The following ANGEL2 variants were observed in gnomAD, a reference collection of about 807,000 sequenced individuals.
ANGEL2 encodes RNA 2',3'-cyclic phosphatase ANGEL2.
In ANGEL2, 41 loss-of-function variants were observed where a neutral mutation model predicts 66.0. That is an observed-to-expected ratio of 0.62 (90% CI 0.48 to 0.81). The LOEUF (loss-of-function observed/expected upper bound fraction) is 0.81. Among genes scored for constraint, ANGEL2 ranks in the 30% least tolerant of loss-of-function variants. ANGEL2 has a pLI of 0.00. For synonymous variants in ANGEL2, 208 were observed against 226.5 expected (o/e 0.92, Z 0.73); for missense variants, 561 against 641.6 (o/e 0.87, Z 1.36).
At chr1:213,007,097 A>C in intron 4 of ANGEL2, 32 bp downstream of exon 4, 1 of 1,497,036 alleles carries the variant, frequency 6.7e-7, no homozygotes, top group Non-Finnish European at 9.1e-7. Flanking sequence ...TGTCTCAAAA[A>C]AGAAAAAAAA....
chr1:213,015,119 A>C, intron 1 of ANGEL2: 2 of 990,080 alleles, frequency 2.0e-6, no homozygotes, highest in Non-Finnish European at 2.4e-6. Flanking sequence ...GGGATGACAT[A>C]CAAGTGACTA....
At chr1:212,998,936 G>A (rs2076103254) in intron 7 of ANGEL2, among the ~76,000 whole-genome samples, 1 of 152,032 alleles carries the variant, frequency 6.6e-6, no homozygotes, top group Admixed American at 6.6e-5. Flanking sequence ...CTGGAATGCG[G>A]TGGTGCGATC....
Position 213,015,780 on chromosome 1 carries a change from G to A in ANGEL2, c.-109C>T, listed in dbSNP as rs1177035832. Reference sequence around the variant, plus strand: ...GGGAACCCCATCACTCTTAAGTACCGACTCCAGTCCTGGCTGCAAGGCATG... The same window carrying A: ...GGGAACCCCATCACTCTTAAGTACCAACTCCAGTCCTGGCTGCAAGGCATG... On this transcript the variant is annotated 5_prime_UTR_variant, in exon 1 of 9. Coordinates refer to ENST00000366962, the MANE Select transcript of ANGEL2 (RefSeq NM_144567.5). 2 of 1,456,886 alleles carry A rather than the reference G, an allele frequency of 1.4e-6. No individual in the cohort carries two copies. Among genetic ancestry groups the A allele is most frequent in the African/African-American group, 2.8e-5 (2 of 72,048 alleles). 90.2% of individuals were successfully genotyped at this position (1,456,886 alleles called of 1,614,324 possible).
At position 213,005,177 on chromosome 1, in the gene ANGEL2, T is replaced by C. The variant is rs1417612284; in HGVS notation, c.990A>G (p.Ala330=). The C allele has an allele frequency of 3.1e-6, 5 of 1,614,274 alleles. No individual in the cohort carries two copies. Among genetic ancestry groups the C allele is most frequent in the East Asian group, 2.2e-5 (1 of 44,886 alleles). The change falls in exon 5 of 9, where the codon GCA becomes GCG. Residue 330 remains alanine, a synonymous_variant. Coordinates refer to ENST00000366962, the MANE Select transcript of ANGEL2 (RefSeq NM_144567.5). Reference sequence around the variant, plus strand: ...TCTGGTGGGCAACACTGGAAATCTCTGCCAGTAGCATTGCCAATTGCGTCA... The same window carrying C: ...TCTGGTGGGCAACACTGGAAATCTCCGCCAGTAGCATTGCCAATTGCGTCA... ...IKLTQLAMLL[A]EISSVAHQKD...
At chr1:213,013,066 C>T in intron 2 of ANGEL2, 27 bp downstream of exon 2, 3 of 1,594,326 alleles carry the variant, frequency 1.9e-6, no homozygotes, top group Non-Finnish European at 2.6e-6. Context: ...GTATCTATTT[C>T]TACACCAAGA....
Position 213,000,357 on chromosome 1 carries a change from T to A in ANGEL2, c.1288A>T (p.Lys430Ter), listed in dbSNP as rs1463620551. The change falls in exon 7 of 9, where the codon AAG (lysine) becomes TAG (stop). Residue 430 changes from lysine to a stop codon, truncating the protein, a stop_gained. Coordinates refer to ENST00000366962, the MANE Select transcript of ANGEL2 (RefSeq NM_144567.5). LOFTEE classifies it high-confidence loss of function. ...TDSDLTQTQL[K>*]QTEVLVTAEK... The stretch of plus-strand genomic sequence containing the variant: ...GCTGTCACTAGGACCTCTGTTTGCT[T>A]CAGCTGTGTTTGTGTCAGATCACTG... 1 of 1,613,964 alleles carries A rather than the reference T, an allele frequency of 6.2e-7. No homozygotes were observed. The highest frequency in any genetic ancestry group is 1.6e-4 in the Middle Eastern group (1 of 6,062).
intron 4 of ANGEL2, chr1:213,006,880 G>A: frequency 2.5e-6 from 1 of 395,270 alleles, no homozygotes. Context: ...AATGACACAT[G>A]AATTTTCAAA....
chr1:213,012,941 A>C, intron 2 of ANGEL2, 152 bp downstream of exon 2: 6 of 663,162 alleles, frequency 9.0e-6, no homozygotes, highest in Non-Finnish European at 1.5e-5. Context: ...CATTTAAGGA[A>C]GAATTCATTT....
chr1:213,008,118 C>A, intron 3 of ANGEL2, 92 bp downstream of exon 3: 1 of 1,404,282 alleles, frequency 7.1e-7, no homozygotes, highest in Non-Finnish European at 9.6e-7. Flanking sequence ...CCTGCCTCAG[C>A]CTCCCAAAGT....
chr1:213,008,224 GT>G lies in ANGEL2; in HGVS notation c.627del (p.Lys209AsnfsTer60). 1 of 1,612,874 alleles carries G rather than the reference GT, an allele frequency of 6.2e-7. No individual in the cohort carries two copies. Among genetic ancestry groups the G allele is most frequent in the Non-Finnish European group, 8.5e-7 (1 of 1,179,452 alleles). Reference protein sequence around the residue: ...FRFPNILKEIKHFDADVLCLQ... With the variant: ...FRFPNILKEIXHFDADVLCLQ... Reference sequence around the variant, plus strand: ...TTTGCACTTACGTCTGCATCAAAATGTTTAATTTCTTTCAGAATATTGGGAA... The same window carrying G: ...TTTGCACTTACGTCTGCATCAAAATGTTAATTTCTTTCAGAATATTGGGAA... On this transcript the variant is annotated frameshift_variant, in exon 3 of 9. Transcript: ENST00000366962. LOFTEE classifies it high-confidence loss of function.
At chr1:213,004,823 A>G (rs563618107) in intron 5 of ANGEL2, among the ~76,000 whole-genome samples, 98 of 142,754 alleles carry the variant, frequency 6.9e-4, no homozygotes, top group Non-Finnish European at 1.2e-3. Flanking sequence ...AGCTGAGATC[A>G]TGACACTGCA....
rs1288402568 is a variant in ANGEL2, at chr1:213,000,907, A to G, written c.1140T>C (p.Ser380=). The G allele has an allele frequency of 6.2e-7, 1 of 1,605,020 alleles. No homozygotes were observed. Among genetic ancestry groups the G allele is most frequent in the African/African-American group, 1.3e-5 (1 of 74,416 alleles). The change falls in exon 6 of 9, where the codon TCT becomes TCC. Residue 380 remains serine, a synonymous_variant. Transcript: ENST00000366962. ...NYEGLPIGKV[S]GQEQSSRGQR... The stretch of plus-strand genomic sequence containing the variant: ...GTCCCCGTGAAGACTGTTCCTGGCC[A>G]GATACCTAAACAAAATTTCAACAGG...
chr1:213,015,114 G>T lies in ANGEL2; in HGVS notation c.59+499C>A, dbSNP rs73084295. The T allele has an allele frequency of 2.2e-3, 2,219 of 987,992 alleles. 42 individuals carry two copies. In the African/African-American group the frequency reaches 0.036, roughly 16 times the overall value. The allele number at this position is 987,992 out of a possible 1,614,324, so 61.2% of individuals were successfully genotyped here. ...GAACTTGGCCATAACAGTAAGGGAT[G>T]ACATACAAGTGACTAAAGTTTGAAA... On this transcript the variant is annotated intron_variant, in intron 1 of 8. Coordinates refer to ENST00000366962, the MANE Select transcript of ANGEL2 (RefSeq NM_144567.5).
intron 1 of ANGEL2, among the ~76,000 whole-genome samples, chr1:213,014,370 C>T (rs1023334067): frequency 2.6e-5 from 4 of 152,192 alleles, no homozygotes; most frequent in Admixed American, 2.0e-4. Context: ...TAACTTTATA[C>T]GCTGTTATTC....
At chr1:212,996,641 ATATATATATAT>A (rs370576779) in intron 8 of ANGEL2, among the ~76,000 whole-genome samples, 2 of 63,242 alleles carry the variant, frequency 3.2e-5, no homozygotes, top group African/African-American at 6.2e-5. Flanking sequence ...AAAAAAAAAA[ATATATATATAT>A]ATATATATAT....
chr1:212,996,640 A>AAAAAAAAAATAT (rs56102625), intron 8 of ANGEL2, among the ~76,000 whole-genome samples: 7 of 66,484 alleles, frequency 1.1e-4, no homozygotes, highest in Non-Finnish European at 1.5e-4. Flanking sequence ...AAAAAAAAAA[A>AAAAAAAAAATAT]ATATATATAT....
chr1:213,002,975 G>A (rs1386156301), intron 5 of ANGEL2, among the ~76,000 whole-genome samples: 2 of 151,448 alleles, frequency 1.3e-5, no homozygotes, highest in African/African-American at 2.4e-5. Flanking sequence ...AATGATCTTA[G>A]CTAGATCTTC....
At chr1:213,010,562 CCTT>C (rs1203580534) in intron 2 of ANGEL2, among the ~76,000 whole-genome samples, 1 of 136,644 alleles carries the variant, frequency 7.3e-6, no homozygotes, top group African/African-American at 2.5e-5. Context: ...ACAGAGTGAG[CCTT>C]CGTCTCAAAA....
In ANGEL2 at chr1:212,993,643, T is replaced by C. The variant is rs1347579770; in HGVS notation, c.*1398A>G. The stretch of plus-strand genomic sequence containing the variant: ...AATTTCCACTTTTTATGTTTTAAAA[T>C]TGATTCAAACACTTGTATAGAGGAT... On this transcript the variant is annotated 3_prime_UTR_variant, in exon 9 of 9. Coordinates refer to ENST00000366962, the MANE Select transcript of ANGEL2 (RefSeq NM_144567.5). 6.6e-6 allele frequency: 1 copy of C among 152,216 alleles called. No individual in the cohort carries two copies. Among genetic ancestry groups the C allele is most frequent in the East Asian group, 1.9e-4 (1 of 5,198 alleles). The allele number at this position is 152,216 out of a possible 1,614,324, so 9.4% of individuals were successfully genotyped here. A position where few individuals can be genotyped will look rare whatever the true frequency, so the allele number is the denominator to read the frequency against.
Sources: gnomAD v4.1 joint callset for allele counts (sites outside exome capture counted in the v4.1 genomes callset) on GRCh38, gnomAD v4.1.1 for gene constraint, MANE v1.5 for transcripts, NCBI Gene and HGNC (gene_info 2026-07-23, HGNC 2026-07-21) for gene names.